Variants in SHISA9 observed in about 807,000 individuals in gnomAD.
SHISA9 encodes shisa family member 9, also known as protein shisa-9.
SHISA9 carries 13 observed loss-of-function variants against 38.0 expected under a neutral mutation model. The observed-to-expected ratio is 0.34, with a 90% CI of 0.22 to 0.54. The LOEUF is 0.54. Among genes scored for constraint, SHISA9 ranks in the 20% least tolerant of loss-of-function variants. SHISA9 has a pLI of 0.91. For missense variants in SHISA9, 538 were observed against 575.8 expected, an observed-to-expected ratio of 0.93 and a Z score of 0.67; for synonymous variants, 275 against 242.0, an observed-to-expected ratio of 1.14 and a Z score of -1.27.
chr16:13,468,381 G>A, the SHISA9 span, among the ~76,000 whole-genome samples: 1 of 152,148 alleles, frequency 6.6e-6, no homozygotes, highest in Non-Finnish European at 1.5e-5. Context: ...GAGTGAGTCA[G>A]GGTGCCTATG....
intron 3 of SHISA9, among the ~76,000 whole-genome samples, chr16:13,208,436 T>C (rs1449044984): frequency 1.1e-5 from 1 of 90,446 alleles, no homozygotes; most frequent in Non-Finnish European, 1.9e-5. Flanking sequence ...TCTTTTTCTT[T>C]TTTTTTCTTT....
chr16:13,287,090 A>G, the SHISA9 span, among the ~76,000 whole-genome samples: 1 of 152,204 alleles, frequency 6.6e-6, no homozygotes, highest in African/African-American at 2.4e-5. Context: ...AGGAAGTCCC[A>G]CTAGAAGAAG....
At chr16:13,479,650 G>A in the SHISA9 span, among the ~76,000 whole-genome samples, 1 of 152,120 alleles carries the variant, frequency 6.6e-6, no homozygotes, top group Non-Finnish European at 1.5e-5. Context: ...TCACGAGCTA[G>A]TTTGCAGCAG....
the SHISA9 span, among the ~76,000 whole-genome samples, chr16:13,475,414 C>T: frequency 1.3e-5 from 2 of 151,710 alleles, no homozygotes; most frequent in Admixed American, 1.3e-4. Flanking sequence ...TGCCAAAGGT[C>T]ATACAGGTAT....
intron 4 of SHISA9, among the ~76,000 whole-genome samples, chr16:13,232,996 C>A (rs562080230): frequency 6.6e-6 from 1 of 152,124 alleles, no homozygotes; most frequent in African/African-American, 2.4e-5. Context: ...TAGGTTTTAC[C>A]CCACAAAAAA....
At chr16:13,427,082 C>T in the SHISA9 span, among the ~76,000 whole-genome samples, 1 of 152,180 alleles carries the variant, frequency 6.6e-6, no homozygotes, top group Non-Finnish European at 1.5e-5. Context: ...AGGAACTTTC[C>T]TAATTGGTAT....
intron 2 of SHISA9, among the ~76,000 whole-genome samples, chr16:13,146,799 C>T (rs1456178048): frequency 6.6e-6 from 1 of 152,150 alleles, no homozygotes; most frequent in Non-Finnish European, 1.5e-5. Context: ...TAACAGGGCA[C>T]CAACTCAATG....
chr16:13,186,288 CTTTTTT>C lies in SHISA9; in HGVS notation c.692-17084_692-17079del, dbSNP rs113608898. ...ATAACATGAAATTTACCATCTTAAC[CTTTTTT>C]TTTTTTTTTTTTTTTTTTTTTGAGA... On this transcript the variant is annotated intron_variant, in intron 2 of 4. Coordinates refer to ENST00000558583, the MANE Select transcript of SHISA9 (RefSeq NM_001145204.3). Among the ~76,000 whole-genome samples the C allele has an allele frequency of 3.8e-5, 4 of 104,308 alleles. No homozygotes were observed. The South Asian group carries it at 1.3e-3, about 33-fold the overall frequency. 68.4% of individuals were successfully genotyped at this position (104,308 alleles called of 152,430 possible).
At chr16:13,562,351 C>T in the SHISA9 span, among the ~76,000 whole-genome samples, 1 of 152,098 alleles carries the variant, frequency 6.6e-6, no homozygotes, top group Non-Finnish European at 1.5e-5. Context: ...CATTCCTGGC[C>T]AGGCACAGTG....
chr16:13,554,484 CTT>C, the SHISA9 span, among the ~76,000 whole-genome samples: 6 of 140,414 alleles, frequency 4.3e-5, no homozygotes, highest in South Asian at 2.3e-4. Context: ...CATTTGTTTC[CTT>C]TTTTTTTTTC....
the SHISA9 span, among the ~76,000 whole-genome samples, chr16:13,485,397 T>C: frequency 6.6e-6 from 1 of 152,232 alleles, no homozygotes; most frequent in African/African-American, 2.4e-5. Context: ...GTGCATGGTA[T>C]TCCACGGTGT....
At chr16:13,068,675 C>T (rs2073463144) in intron 2 of SHISA9, among the ~76,000 whole-genome samples, 1 of 152,214 alleles carries the variant, frequency 6.6e-6, no homozygotes, top group Non-Finnish European at 1.5e-5. Context: ...CATTAAGAAG[C>T]CTAGCATCCC....
chr16:13,197,058 C>G (rs1351142599), intron 2 of SHISA9, among the ~76,000 whole-genome samples: 1 of 151,746 alleles, frequency 6.6e-6, no homozygotes, highest in Non-Finnish European at 1.5e-5. Flanking sequence ...TGCCACTGCA[C>G]TCCAGCCTGG....
the SHISA9 span, among the ~76,000 whole-genome samples, chr16:13,545,446 T>G: frequency 6.6e-6 from 1 of 152,086 alleles, no homozygotes; most frequent in Non-Finnish European, 1.5e-5. Flanking sequence ...CTAAAACAAG[T>G]GGGGGCTTCC....
At chr16:13,077,351 C>G (rs950502231) in intron 2 of SHISA9, among the ~76,000 whole-genome samples, 1 of 152,032 alleles carries the variant, frequency 6.6e-6, no homozygotes, top group Non-Finnish European at 1.5e-5. Context: ...TCAACACCCC[C>G]ACATTGACTT....
intron 1 of SHISA9, 147 bp from the exon 2 acceptor site, chr16:12,916,541 C>G (rs187042149): frequency 1.1e-6 from 1 of 914,486 alleles, no homozygotes; most frequent in Non-Finnish European, 1.6e-6. Flanking sequence ...TATTTACTTA[C>G]GTTTTTCTCT....
the SHISA9 span, among the ~76,000 whole-genome samples, chr16:13,379,982 A>G: frequency 5.3e-5 from 8 of 152,214 alleles, no homozygotes; most frequent in Non-Finnish European, 1.2e-4. Flanking sequence ...AGGGCCTTTT[A>G]TAACTAAAAA....
the SHISA9 span, among the ~76,000 whole-genome samples, chr16:13,443,873 A>G: frequency 2.0e-3 from 306 of 152,226 alleles, no homozygotes; most frequent in Non-Finnish European, 3.5e-3. Flanking sequence ...CTGGACATCA[A>G]TCTTGTTTAA....
chr16:13,247,280 G>T, the SHISA9 span, among the ~76,000 whole-genome samples: 7 of 152,252 alleles, frequency 4.6e-5, no homozygotes, highest in South Asian at 1.5e-3. Flanking sequence ...GGATTACAAT[G>T]AGAGATTAAA....
Sources: gnomAD v4.1 joint callset for allele counts (sites outside exome capture counted in the v4.1 genomes callset) on GRCh38, gnomAD v4.1.1 for gene constraint, MANE v1.5 for transcripts, NCBI Gene and HGNC (gene_info 2026-07-23, HGNC 2026-07-21) for gene names.